The following PRRC2C variants were observed in gnomAD, a reference collection of about 807,000 sequenced individuals.
PRRC2C encodes protein PRRC2C.
Under a neutral mutation model 317.2 loss-of-function variants are expected in PRRC2C, and 72 were observed. The ratio of observed to expected loss-of-function variants is 0.23; its 90% confidence interval spans 0.19 to 0.28. PRRC2C has a LOEUF of 0.28. Ranked by LOEUF, PRRC2C falls within the 10% of genes least tolerant of loss-of-function variation. PRRC2C has a pLI of 1.00. For synonymous variants in PRRC2C, 1,296 were observed against 1,205.9 expected, an observed-to-expected ratio of 1.07 and a Z score of -1.55; for missense variants, 3,074 against 3,459.7, an observed-to-expected ratio of 0.89 and a Z score of 2.80.
At position 171,513,321 on chromosome 1, in the gene PRRC2C, T is replaced by G; in HGVS notation, c.290+149T>G. On this transcript the variant is annotated intron_variant, in intron 3 of 34. Transcript: ENST00000647382. ...TTAAAGTCTTTTGACTATAGTAACT[T>G]TTGGTTAATTTTCCCTATTAAAAGT... 4 of 937,426 alleles carry G rather than the reference T, an allele frequency of 4.3e-6. No homozygotes were observed. The South Asian group carries it at 6.3e-5, about 15-fold the overall frequency. 58.1% of individuals were successfully genotyped at this position (937,426 alleles called of 1,614,324 possible). A position where few individuals can be genotyped will look rare whatever the true frequency, so the allele number is the denominator to read the frequency against.
Position 171,517,483 on chromosome 1 carries a change from T to C in PRRC2C, c.527-108T>C. On this transcript the variant is annotated intron_variant, in intron 5 of 34. Transcript: ENST00000647382. Reference sequence around the variant, plus strand: ...AGGACCTGGATTAGACTTTTCCTGCTCTTTCACTCTGCTTACTTGCTTTCA... The same window carrying C: ...AGGACCTGGATTAGACTTTTCCTGCCCTTTCACTCTGCTTACTTGCTTTCA... The C allele has an allele frequency of 3.0e-6, 3 of 1,008,124 alleles. No individual in the cohort carries two copies. The South Asian group carries it at 5.0e-5, about 17-fold the overall frequency. The allele number at this position is 1,008,124 out of a possible 1,614,324, so 62.4% of individuals were successfully genotyped here.
intron 12 of PRRC2C, 29 bp from the exon 13 acceptor site, chr1:171,535,399 C>G: frequency 1.3e-6 from 2 of 1,595,410 alleles, no homozygotes; most frequent in South Asian, 1.1e-5. Flanking sequence ...TAGATGAATA[C>G]TATTACCTTT....
At position 171,566,595 on chromosome 1, in the gene PRRC2C, C is replaced by T. The variant is rs373454858; in HGVS notation, c.6310C>T (p.Pro2104Ser). The T allele has an allele frequency of 6.4e-7, 1 of 1,571,142 alleles. No homozygotes were observed. Among genetic ancestry groups the T allele is most frequent in the African/African-American group, 1.4e-5 (1 of 73,110 alleles). The stretch of plus-strand genomic sequence containing the variant: ...TATCATAAACATTTGACTTTAGCTT[C>T]CAGATTTGAGTCCAGTAGAAAACAA... ...RAGPIKAQKL[P>S]DLSPVENKEH... Residue 2104 changes from proline (P) to serine (S), a missense_variant, in exon 22 of 35, where the codon CCA becomes TCA. Around this residue, in one of 11 missense-constraint regions of PRRC2C, gnomAD observed 640 missense variants for 676.1 expected, o/e 0.95. Coordinates refer to ENST00000647382, the MANE Select transcript of PRRC2C (RefSeq NM_001387844.1).
At position 171,557,931 on chromosome 1, in the gene PRRC2C, A is replaced by G; in HGVS notation, c.5819A>G (p.Lys1940Arg). ...APAQTQAQTH[K>R]PVQNPLQTTS... The stretch of plus-strand genomic sequence containing the variant: ...GCCCAGACTCAGGCACAGACCCACA[A>G]ACCAGTCCAGAATCCACTACAGACT... Residue 1940 changes from lysine to arginine, a missense_variant, in exon 19 of 35, where the codon AAA becomes AGA. Transcript: ENST00000647382. The G allele has an allele frequency of 6.3e-7, 1 of 1,589,128 alleles. No homozygotes were observed. The highest frequency in any genetic ancestry group is 1.1e-5 in the South Asian group (1 of 87,882).
intron 1 of PRRC2C, among the ~76,000 whole-genome samples, chr1:171,507,693 C>T (rs1467967838): frequency 6.6e-6 from 1 of 152,186 alleles, no homozygotes; most frequent in East Asian, 1.9e-4. Flanking sequence ...AGGTACTATT[C>T]CCAGCCCTTT....
At chr1:171,495,223 A>G (rs1667906759) in intron 1 of PRRC2C, among the ~76,000 whole-genome samples, 1 of 152,240 alleles carries the variant, frequency 6.6e-6, no homozygotes, top group African/African-American at 2.4e-5. Flanking sequence ...GTATTGTCAC[A>G]CTACTAGCTG....
intron 23 of PRRC2C, 111 bp downstream of exon 23, chr1:171,568,450 A>G: frequency 3.6e-6 from 5 of 1,404,220 alleles, no homozygotes; most frequent in Non-Finnish European, 3.8e-6. Flanking sequence ...AACTCAGGGA[A>G]AGAGTTGATA....
chr1:171,530,662 G>A (rs773816201), intron 11 of PRRC2C, among the ~76,000 whole-genome samples: 3 of 152,066 alleles, frequency 2.0e-5, no homozygotes, highest in African/African-American at 7.2e-5. Context: ...GTATGCACAT[G>A]AAAAGATATT....
intron 27 of PRRC2C, among the ~76,000 whole-genome samples, 175 bp from the exon 28 acceptor site, chr1:171,579,653 A>C (rs1162574348): frequency 1.3e-5 from 2 of 152,238 alleles, no homozygotes; most frequent in Non-Finnish European, 2.9e-5. Flanking sequence ...ATGTAGAATA[A>C]GTAGTGGGTT....
In PRRC2C at chr1:171,557,442, C is replaced by G. The variant is rs1681662974; in HGVS notation, c.5330C>G (p.Thr1777Ser). The G allele has an allele frequency of 3.2e-6, 5 of 1,546,318 alleles. No homozygotes were observed. Among genetic ancestry groups the G allele is most frequent in the Admixed American group, 2.0e-5 (1 of 50,582 alleles). Residue 1777 changes from threonine (T) to serine (S), a missense_variant, in exon 19 of 35, where the codon ACT (threonine) becomes AGT (serine). Thr to Ser is a moderately conservative substitution (Grantham distance 58). Transcript: ENST00000647382. Reference protein sequence around the residue: ...STSAPLPATLTPVPASTSAPV... With the variant: ...STSAPLPATLSPVPASTSAPV... ...TCAGCTCCACTTCCGGCAACCTTAA[C>G]TCCAGTTCCAGCCTCAACCTCAGCT...
intron 1 of PRRC2C, among the ~76,000 whole-genome samples, chr1:171,504,738 G>T (rs1003184885): frequency 1.3e-5 from 2 of 151,998 alleles, no homozygotes; most frequent in Non-Finnish European, 2.9e-5. Flanking sequence ...GGGGTGGAGG[G>T]TAGGGGGTGG....
At chr1:171,502,128 T>C (rs909763834) in intron 1 of PRRC2C, among the ~76,000 whole-genome samples, 1 of 152,222 alleles carries the variant, frequency 6.6e-6, no homozygotes, top group Non-Finnish European at 1.5e-5. Flanking sequence ...ATAACACTTC[T>C]AATCCAAGGC....
At position 171,512,993 on chromosome 1, in the gene PRRC2C, A is replaced by G. The variant is rs1227289742; in HGVS notation, c.113-2A>G. On this transcript the variant is annotated splice_acceptor_variant, in intron 2 of 34. Coordinates refer to ENST00000647382, the MANE Select transcript of PRRC2C (RefSeq NM_001387844.1). LOFTEE classifies it high-confidence loss of function. ...AAGAAAGTTGATGTTATTGATCTTT[A>G]GTTGCAGCTCGACATGGATTACAGA... 6.3e-7 allele frequency: 1 copy of G among 1,598,090 alleles called. No individual in the cohort carries two copies. The highest frequency in any genetic ancestry group is 1.3e-5 in the African/African-American group (1 of 74,358).
At chr1:171,495,937 T>C (rs1668006632) in intron 1 of PRRC2C, among the ~76,000 whole-genome samples, 1 of 152,174 alleles carries the variant, frequency 6.6e-6, no homozygotes, top group African/African-American at 2.4e-5. Context: ...TGGTGAGGGC[T>C]CTTCCTAGCT....
At chr1:171,518,660 G>A (rs1235650071) in intron 6 of PRRC2C, among the ~76,000 whole-genome samples, 1 of 32,628 alleles carries the variant, frequency 3.1e-5, no homozygotes, top group African/African-American at 1.2e-4. Flanking sequence ...ACCACACCTG[G>A]CTTTTTTTTT....
chr1:171,525,007 C>T (rs757839783), intron 10 of PRRC2C, 42 bp downstream of exon 10: 3 of 1,484,128 alleles, frequency 2.0e-6, no homozygotes, highest in Admixed American at 2.2e-5. Flanking sequence ...GCAAGGATCT[C>T]CTTATTGTAA....
At chr1:171,489,404 G>A (rs2102014585) in intron 1 of PRRC2C, among the ~76,000 whole-genome samples, 1 of 152,282 alleles carries the variant, frequency 6.6e-6, no homozygotes, top group African/African-American at 2.4e-5. Flanking sequence ...CTCCCAAGGT[G>A]TTCACAGCCT....
chr1:171,541,257 G>A lies in PRRC2C; in HGVS notation c.3791G>A (p.Gly1264Asp), dbSNP rs771765266. Residue 1264 changes from glycine (G) to aspartate (D), a missense_variant, in exon 16 of 35, where the codon GGT becomes GAT. By Grantham distance (94) the Gly-to-Asp change is moderately conservative. This residue lies in a region of PRRC2C where 1,320 missense variants were observed against 1,395.7 expected (regional missense o/e 0.95). Transcript: ENST00000647382. This position sits in a 1 kb window ranked among gnomAD's most constrained non-coding sequence, Gnocchi z 4.1. Reference sequence around the variant, plus strand: ...GTCCCCAAAAGAAGACGACAGCGGGGTTCAGAGACTGACACAGACAGTGAA... The same window carrying A: ...GTCCCCAAAAGAAGACGACAGCGGGATTCAGAGACTGACACAGACAGTGAA... ...EVVPKRRRQR[G>D]SETDTDSEIH... is the part of the protein sequence containing the mutation. 1.7e-5 allele frequency: 28 copies of A among 1,613,960 alleles called. No homozygotes were observed. The highest frequency in any genetic ancestry group is 2.4e-5 in the Non-Finnish European group (28 of 1,179,882).
intron 15 of PRRC2C, among the ~76,000 whole-genome samples, chr1:171,537,746 T>C (rs749958677): frequency 4.6e-5 from 7 of 152,122 alleles, no homozygotes; most frequent in South Asian, 2.1e-4. Context: ...TGCTCTGTTA[T>C]TCAGGCTGGA....
Sources: allele counts gnomAD v4.1 joint callset (sites outside exome capture counted in the v4.1 genomes callset), GRCh38; gene constraint gnomAD v4.1.1; regional missense constraint gnomAD v4.1.1; non-coding constraint Gnocchi (gnomAD v3.1); transcripts MANE v1.5; gene names NCBI Gene and HGNC (gene_info 2026-07-23, HGNC 2026-07-21).